The following SCN11A variants were observed in gnomAD, a reference collection of about 807,000 sequenced individuals.
The protein encoded by SCN11A is sodium channel protein type 11 subunit alpha.
Under a neutral mutation model 162.2 loss-of-function variants are expected in SCN11A, and 122 were observed. The observed-to-expected ratio is 0.75, with a 90% CI of 0.65 to 0.87. The LOEUF is 0.87. Among genes scored for constraint, SCN11A ranks in the 40% least tolerant of loss-of-function variants. The pLI is 0.00. For missense variants in SCN11A, 2,015 were observed against 2,181.6 expected, an observed-to-expected ratio of 0.92 and a Z score of 1.52; for synonymous variants, 758 against 751.5, an observed-to-expected ratio of 1.01 and a Z score of -0.14.
At chr3:39,018,548 G>A (rs1214254316) in intron 2 of SCN11A, among the ~76,000 whole-genome samples, 3 of 152,178 alleles carry the variant, frequency 2.0e-5, no homozygotes, top group Admixed American at 1.3e-4. Context: ...GCCAGGCGCG[G>A]TGGCTCAAGC....
intron 2 of SCN11A, among the ~76,000 whole-genome samples, chr3:38,996,779 CAAG>C (rs1215850672): frequency 6.6e-6 from 1 of 152,166 alleles, no homozygotes; most frequent in Middle Eastern, 3.2e-3. Flanking sequence ...TTTCTCCCAT[CAAG>C]AAGGAGAGTC....
rs770684875 is a variant in SCN11A, at chr3:38,921,061, A to C, written c.892+15T>G. The C allele has an allele frequency of 2.5e-6, 4 of 1,611,832 alleles. No individual in the cohort carries two copies. In the African/African-American group the frequency reaches 5.3e-5, roughly 22 times the overall value. On this transcript the variant is annotated intron_variant, in intron 10 of 29. Coordinates refer to ENST00000302328, the MANE Select transcript of SCN11A (RefSeq NM_001349253.2). ...ATGCAAAAACCAAGGAGTGAAAGAA[A>C]GGTTGGGTATTTACCATAAGCTTCC...
chr3:39,025,932 A>G (rs1394364317), intron 2 of SCN11A: 2 of 152,120 alleles, frequency 1.3e-5, no homozygotes, highest in Non-Finnish European at 2.9e-5. Flanking sequence ...TACCTAATGC[A>G]CTAAGTATTT....
At chr3:38,941,144 C>T (rs1360631761) in intron 7 of SCN11A, among the ~76,000 whole-genome samples, 1 of 152,076 alleles carries the variant, frequency 6.6e-6, no homozygotes, top group Non-Finnish European at 1.5e-5. Flanking sequence ...TTTAAGGTGG[C>T]CGAGGGTGGG....
At chr3:38,979,842 C>T (rs1271016409) in intron 2 of SCN11A, among the ~76,000 whole-genome samples, 4 of 152,198 alleles carry the variant, frequency 2.6e-5, no homozygotes, top group Admixed American at 2.6e-4. Flanking sequence ...AGCTGAAAAA[C>T]TGGGAAGTCT....
At chr3:38,960,835 T>C (rs111714299) in intron 2 of SCN11A, among the ~76,000 whole-genome samples, 1,838 of 152,296 alleles carry the variant, frequency 0.012, 36 homozygotes, top group African/African-American at 0.041. Context: ...GCCATTAACC[T>C]TGGGGTTCAG....
chr3:39,026,787 G>A, intron 2 of SCN11A, among the ~76,000 whole-genome samples: 1 of 152,118 alleles, frequency 6.6e-6, no homozygotes, highest in East Asian at 1.9e-4. Flanking sequence ...TGAGGGAGAG[G>A]GGTTGAGGAA....
At chr3:39,028,943 T>C (rs1264795564) in intron 2 of SCN11A, among the ~76,000 whole-genome samples, 1 of 152,198 alleles carries the variant, frequency 6.6e-6, no homozygotes, top group Admixed American at 6.5e-5. Flanking sequence ...AATTGCAACA[T>C]GAGTTTTATA....
At chr3:38,972,323 C>A (rs561711201) in intron 2 of SCN11A, among the ~76,000 whole-genome samples, 17 of 152,268 alleles carry the variant, frequency 1.1e-4, no homozygotes, top group South Asian at 8.3e-4. Context: ...CAGCTTCCTC[C>A]GGTGACCCAG....
At chr3:38,918,742 C>T (rs755127362) in intron 11 of SCN11A, among the ~76,000 whole-genome samples, 3 of 152,168 alleles carry the variant, frequency 2.0e-5, no homozygotes, top group Non-Finnish European at 4.4e-5. Context: ...TAAAGCCTAT[C>T]GTGTCTTGCA....
At chr3:38,953,931 C>A (rs994643986) in intron 3 of SCN11A, among the ~76,000 whole-genome samples, 172 bp from the exon 4 acceptor site, 11 of 152,078 alleles carry the variant, frequency 7.2e-5, no homozygotes, top group African/African-American at 2.7e-4. Context: ...TAAACGAGTT[C>A]AATACAACCA....
At chr3:38,903,771 T>G in intron 16 of SCN11A, 94 bp downstream of exon 16, 1 of 927,188 alleles carries the variant, frequency 1.1e-6, no homozygotes, top group Non-Finnish European at 1.6e-6. Flanking sequence ...AAAACCTAGG[T>G]TAGGTTAGCT....
chr3:38,910,988 T>C (rs1230087230), intron 11 of SCN11A, among the ~76,000 whole-genome samples: 3 of 152,202 alleles, frequency 2.0e-5, no homozygotes, highest in Non-Finnish European at 4.4e-5. Context: ...AAAAAGCTTA[T>C]AATGAAATCA....
chr3:39,036,229 C>T (rs187648167), intron 1 of SCN11A, among the ~76,000 whole-genome samples: 14 of 152,250 alleles, frequency 9.2e-5, no homozygotes, highest in African/African-American at 2.2e-4. Context: ...CTGCAACCTC[C>T]GCCTCCCAGG....
chr3:38,918,260 C>T (rs73828715), intron 11 of SCN11A, among the ~76,000 whole-genome samples: 2,440 of 152,194 alleles, frequency 0.016, 67 homozygotes, highest in African/African-American at 0.056. Context: ...CAGCAGCTGT[C>T]GGGCTCCCTT....
At chr3:38,969,611 C>T (rs957219736) in intron 2 of SCN11A, among the ~76,000 whole-genome samples, 2 of 152,160 alleles carry the variant, frequency 1.3e-5, no homozygotes, top group Non-Finnish European at 2.9e-5. Context: ...GGGAGGATTG[C>T]CTTGTGATGC....
At chr3:38,870,467 A>G (rs2065107279) in intron 26 of SCN11A, among the ~76,000 whole-genome samples, 1 of 152,236 alleles carries the variant, frequency 6.6e-6, no homozygotes, top group Non-Finnish European at 1.5e-5. Flanking sequence ...CCATGGAGAA[A>G]GAAGACTGGA....
chr3:38,963,203 C>T (rs2125584105), intron 2 of SCN11A, among the ~76,000 whole-genome samples: 1 of 150,224 alleles, frequency 6.7e-6, no homozygotes, highest in African/African-American at 2.4e-5. Flanking sequence ...TATTGAGTAT[C>T]TACCCAGAGG....
intron 1 of SCN11A, among the ~76,000 whole-genome samples, chr3:39,035,750 C>T (rs2125613657): frequency 6.6e-6 from 1 of 151,694 alleles, no homozygotes; most frequent in East Asian, 2.0e-4. Flanking sequence ...TGCCATTCTC[C>T]TGCCTCAGCC....
Sources: gnomAD v4.1 joint callset for allele counts (sites outside exome capture counted in the v4.1 genomes callset) on GRCh38, gnomAD v4.1.1 for gene constraint, MANE v1.5 for transcripts, NCBI Gene and HGNC (gene_info 2026-07-23, HGNC 2026-07-21) for gene names.